Variants in LRP1B observed in about 807,000 individuals in gnomAD.
LRP1B encodes low-density lipoprotein receptor-related protein 1B.
In LRP1B, 217 loss-of-function variants were observed where a neutral mutation model predicts 556.6. The ratio of observed to expected loss-of-function variants is 0.39; its 90% CI spans 0.35 to 0.44. The LOEUF is 0.44. LRP1B is among the 20% of genes least tolerant of loss of function. LRP1B has a pLI of 1.00. For synonymous variants in LRP1B, 2,047 were observed against 1,865.8 expected (o/e 1.10, Z -2.50); for missense variants, 5,053 against 5,620.8 (o/e 0.90, Z 3.23).
At chr2:140,330,801 A>T (rs1680769081) in intron 79 of LRP1B, among the ~76,000 whole-genome samples, 1 of 152,150 alleles carries the variant, frequency 6.6e-6, no homozygotes, top group Admixed American at 6.6e-5. Flanking sequence ...AATGGTAGAC[A>T]ATTTTTGCAA....
chr2:141,142,731 T>C (rs1311391044), intron 7 of LRP1B, among the ~76,000 whole-genome samples: 3 of 152,052 alleles, frequency 2.0e-5, no homozygotes, highest in African/African-American at 4.8e-5. Context: ...AAAATAATCA[T>C]AATAGGAATG....
intron 86 of LRP1B, among the ~76,000 whole-genome samples, chr2:140,265,393 T>C (rs992982779): frequency 1.3e-5 from 2 of 152,150 alleles, no homozygotes; most frequent in Non-Finnish European, 2.9e-5. Context: ...TTTCCTAGGC[T>C]TCTGTTGGCA....
At chr2:141,166,416 G>A (rs943598666) in intron 7 of LRP1B, among the ~76,000 whole-genome samples, 1 of 139,006 alleles carries the variant, frequency 7.2e-6, no homozygotes, top group Admixed American at 7.6e-5. Context: ...CATAATAGGT[G>A]TATATATTTA....
At chr2:141,245,945 C>A (rs1267555847) in intron 5 of LRP1B, among the ~76,000 whole-genome samples, 1 of 152,042 alleles carries the variant, frequency 6.6e-6, no homozygotes, top group African/African-American at 2.4e-5. Context: ...TTATTGAGAA[C>A]CTATATGTTC....
chr2:141,590,509 G>A (rs1687298135), intron 2 of LRP1B, among the ~76,000 whole-genome samples: 1 of 151,980 alleles, frequency 6.6e-6, no homozygotes, highest in African/African-American at 2.4e-5. Context: ...GGCCTAAATG[G>A]GGATGTCATT....
intron 2 of LRP1B, among the ~76,000 whole-genome samples, chr2:141,779,712 G>C (rs1020235799): frequency 4.0e-5 from 6 of 151,848 alleles, no homozygotes; most frequent in Non-Finnish European, 8.8e-5. Flanking sequence ...ACAACCTACT[G>C]TTCTAGGTAT....
At chr2:141,012,133 T>C (rs939525840) in intron 14 of LRP1B, among the ~76,000 whole-genome samples, 4 of 152,030 alleles carry the variant, frequency 2.6e-5, no homozygotes, top group African/African-American at 9.7e-5. Context: ...GACCCAGATC[T>C]AAGCCCGGGG....
At chr2:141,679,882 CTA>C (rs1320961255) in intron 2 of LRP1B, among the ~76,000 whole-genome samples, 3 of 150,544 alleles carry the variant, frequency 2.0e-5, no homozygotes, top group Non-Finnish European at 3.0e-5. Context: ...ATAAAAAATA[CTA>C]TATATTATTT....
At chr2:141,912,418 T>C (rs1293138784) in intron 1 of LRP1B, among the ~76,000 whole-genome samples, 2 of 152,122 alleles carry the variant, frequency 1.3e-5, no homozygotes, top group Admixed American at 6.6e-5. Flanking sequence ...TGATCAACAC[T>C]ATCGCAGCAA....
chr2:140,986,962 A>G (rs1696944870), intron 17 of LRP1B, among the ~76,000 whole-genome samples: 1 of 152,194 alleles, frequency 6.6e-6, no homozygotes, highest in Non-Finnish European at 1.5e-5. Flanking sequence ...TTCCCATTGG[A>G]AAGTCTTTTT....
chr2:140,245,164 T>C lies in LRP1B; in HGVS notation c.13324+1922A>G, dbSNP rs1446384581. Among the ~76,000 whole-genome samples, 3 of 151,548 alleles carry C rather than the reference T, an allele frequency of 2.0e-5. No individual in the cohort carries two copies. In the East Asian group the frequency reaches 5.9e-4, roughly 30 times the overall value. On this transcript the variant is annotated intron_variant, in intron 87 of 90. Transcript: ENST00000389484. ...AAATTTCATGACTTTAAATTAGTGATGGGAGAAAGAGCTTCAGAATCATTG... is the reference window on the plus strand; with the variant it reads ...AAATTTCATGACTTTAAATTAGTGACGGGAGAAAGAGCTTCAGAATCATTG...
chr2:140,990,167 C>T (rs1474114714), intron 16 of LRP1B, among the ~76,000 whole-genome samples: 2 of 151,246 alleles, frequency 1.3e-5, no homozygotes, highest in South Asian at 4.2e-4. Flanking sequence ...AGATTGATCG[C>T]TGTGGACAAC....
intron 32 of LRP1B, among the ~76,000 whole-genome samples, chr2:140,781,160 C>A (rs951895439): frequency 6.6e-6 from 1 of 152,142 alleles, no homozygotes; most frequent in Non-Finnish European, 1.5e-5. Flanking sequence ...CAAAGAACCA[C>A]GGCCTTGAAG....
chr2:141,255,819 C>A (rs995227256), intron 3 of LRP1B, among the ~76,000 whole-genome samples: 1 of 151,734 alleles, frequency 6.6e-6, no homozygotes, highest in African/African-American at 2.4e-5. Flanking sequence ...AAGCTCCAAC[C>A]CAACATCATA....
intron 7 of LRP1B, among the ~76,000 whole-genome samples, chr2:141,171,379 G>T (rs139957592): frequency 0.015 from 2,243 of 152,062 alleles, 23 homozygotes; most frequent in Middle Eastern, 0.041. Context: ...TAACTGCTAA[G>T]TTTTTACTTT....
intron 5 of LRP1B, among the ~76,000 whole-genome samples, chr2:141,245,574 A>T (rs556635495): frequency 6.6e-6 from 1 of 152,304 alleles, no homozygotes; most frequent in Admixed American, 6.5e-5. Flanking sequence ...AGGAAGTTAG[A>T]AGAAGCCAGA....
At chr2:141,963,944 CCAA>C (rs2105060365) in intron 1 of LRP1B, among the ~76,000 whole-genome samples, 1 of 109,692 alleles carries the variant, frequency 9.1e-6, no homozygotes, top group Non-Finnish European at 1.8e-5. Context: ...TTCCTATACA[CCAA>C]CAACAGACAA....
Position 140,944,114 on chromosome 2 carries a change from A to G in LRP1B, c.3136+6121T>C, listed in dbSNP as rs1695476695. Among the ~76,000 whole-genome samples, 4 of 152,094 alleles carry G rather than the reference A, an allele frequency of 2.6e-5. No homozygotes were observed. The South Asian group carries it at 8.3e-4, about 31-fold the overall frequency. On this transcript the variant is annotated intron_variant, in intron 20 of 90. Coordinates refer to ENST00000389484, the MANE Select transcript of LRP1B (RefSeq NM_018557.3). Reference sequence around the variant, plus strand: ...TTACAACTGATCCCATAGAAATGCAAAAGACTCTCAGGGACTATTATGAAC... The same window carrying G: ...TTACAACTGATCCCATAGAAATGCAGAAGACTCTCAGGGACTATTATGAAC...
intron 79 of LRP1B, among the ~76,000 whole-genome samples, chr2:140,332,313 T>TC (rs199690694): frequency 3.3e-5 from 5 of 151,844 alleles, no homozygotes; most frequent in African/African-American, 1.2e-4. Context: ...CATTTTTTTT[T>TC]CTTTCTCTAA....
Sources: gnomAD v4.1 joint callset for allele counts (sites outside exome capture counted in the v4.1 genomes callset) on GRCh38, gnomAD v4.1.1 for gene constraint, MANE v1.5 for transcripts, NCBI Gene and HGNC (gene_info 2026-07-23, HGNC 2026-07-21) for gene names.